Variants in MARK4 observed in about 807,000 individuals in gnomAD.
The protein encoded by MARK4 is microtubule affinity regulating kinase 4.
Under a neutral mutation model 81.5 loss-of-function variants are expected in MARK4, and 19 were observed. The ratio of observed to expected loss-of-function variants is 0.23; its 90% CI spans 0.16 to 0.34. The LOEUF (loss-of-function observed/expected upper bound fraction) is 0.34, where lower values mean the gene tolerates loss of function less well. MARK4 is among the 10% of genes least tolerant of loss of function. The pLI is 1.00. For missense variants in MARK4, 772 were observed against 1,058.8 expected (o/e 0.73, Z 3.76); for synonymous variants, 436 against 439.0 (o/e 0.99, Z 0.08).
At chr19:45,292,195 TG>T (rs756551808) in intron 13 of MARK4, among the ~76,000 whole-genome samples, 14 of 151,968 alleles carry the variant, frequency 9.2e-5, no homozygotes, top group Non-Finnish European at 1.9e-4. Context: ...CCCAGCTACT[TG>T]GGAGGCTGAG....
intron 2 of MARK4, among the ~76,000 whole-genome samples, chr19:45,261,548 C>A (rs1396836539): frequency 6.6e-6 from 1 of 152,226 alleles, no homozygotes; most frequent in East Asian, 1.9e-4. Context: ...CTCTCTCTTC[C>A]ATGAAGAACA....
chr19:45,287,931 T>C (rs1970768235), intron 13 of MARK4: 1 of 508,312 alleles, frequency 2.0e-6, no homozygotes, highest in Middle Eastern at 2.9e-4. Context: ...ATACAGGAAA[T>C]TAAGTGCTTT....
At chr19:45,260,916 A>G (rs1970372834) in intron 2 of MARK4, among the ~76,000 whole-genome samples, 2 of 152,106 alleles carry the variant, frequency 1.3e-5, no homozygotes, top group Admixed American at 6.6e-5. Flanking sequence ...GTATGGTGAC[A>G]TTATTGCAAA....
intron 13 of MARK4, among the ~76,000 whole-genome samples, chr19:45,288,911 C>T (rs936460287): frequency 1.3e-5 from 2 of 150,824 alleles, no homozygotes; most frequent in African/African-American, 4.9e-5. Context: ...TCAGCTCTTC[C>T]GGCATCTACA....
Position 45,251,599 on chromosome 19 carries a change from G to A in MARK4, c.11G>A (p.Arg4Gln). 1.5e-6 allele frequency: 2 copies of A among 1,375,458 alleles called. No individual in the cohort carries two copies. The highest frequency in any genetic ancestry group is 1.9e-6 in the Non-Finnish European group (2 of 1,063,064). The allele number at this position is 1,375,458 out of a possible 1,614,324, so 85.2% of individuals were successfully genotyped here. A position where few individuals can be genotyped will look rare whatever the true frequency, so the allele number is the denominator to read the frequency against. The part of the protein sequence containing the change: MSS[R>Q]TVLAPGNDRN... ...CGGGACCCGGAGAAGATGTCTTCGC[G>A]GACGGTGCTGGCCCCGGGCAACGAT... Residue 4 changes from arginine (R) to glutamine (Q), a missense_variant, in exon 1 of 17, where the codon CGG becomes CAG. Arg to Gln is a conservative substitution (Grantham distance 43). Around this residue, in one of 3 missense-constraint regions of MARK4, gnomAD observed 115 missense variants for 139.8 expected, o/e 0.82. Coordinates refer to ENST00000262891, the MANE Select transcript of MARK4 (RefSeq NM_001199867.2).
intron 2 of MARK4, among the ~76,000 whole-genome samples, chr19:45,261,486 T>C (rs904294484): frequency 3.3e-5 from 5 of 152,200 alleles, no homozygotes; most frequent in African/African-American, 1.2e-4. Context: ...TAAAAAGTGT[T>C]TGATAAAATT....
intron 12 of MARK4, among the ~76,000 whole-genome samples, chr19:45,280,939 G>A (rs75816342): frequency 0.043 from 6,475 of 152,150 alleles, 198 homozygotes; most frequent in Middle Eastern, 0.099. Context: ...GATTAAAACC[G>A]GAAAAGCAGC....
rs369309478 is a variant in MARK4, at chr19:45,304,267, A to C, written c.*1557A>C. The C allele has an allele frequency of 2.0e-5, 3 of 152,192 alleles. No homozygotes were observed. The highest frequency in any genetic ancestry group is 1.9e-4 in the East Asian group (1 of 5,188). The allele number at this position is 152,192 out of a possible 1,614,324, so 9.4% of individuals were successfully genotyped here. A position where few individuals can be genotyped will look rare whatever the true frequency, so the allele number is the denominator to read the frequency against. On this transcript the variant is annotated 3_prime_UTR_variant, in exon 17 of 17. Transcript: ENST00000262891. ...CTGCAGCAGAAAGACCCTCATTGTC[A>C]GTTTCCCAGCAAAAGTCCCAGGGCA...
At chr19:45,261,510 T>C (rs1000758133) in intron 2 of MARK4, among the ~76,000 whole-genome samples, 4 of 152,232 alleles carry the variant, frequency 2.6e-5, no homozygotes, top group African/African-American at 7.2e-5. Context: ...AAAAACACAT[T>C]CGTGAGAATA....
At chr19:45,273,990 C>A (rs989214396) in intron 8 of MARK4, among the ~76,000 whole-genome samples, 2 of 152,224 alleles carry the variant, frequency 1.3e-5, no homozygotes, top group Non-Finnish European at 2.9e-5. Context: ...TGGCTCACGC[C>A]TGTAATCCCA....
In MARK4 at chr19:45,299,595, A is replaced by C. The variant is rs540483343; in HGVS notation, c.1878-216A>C. ...CACTCCCCTCCCTTTCATCTTCCAC[A>C]TTCTTCAGTATCTTTCCTGTGACCT... On this transcript the variant is annotated intron_variant, in intron 15 of 16. Transcript: ENST00000262891. 3.2e-3 allele frequency among the ~76,000 whole-genome samples: 486 copies of C among 152,060 alleles called. 2 individuals carry two copies. The highest frequency in any genetic ancestry group is 5.6e-3 in the Non-Finnish European group (380 of 67,968).
At chr19:45,275,078 T>C (rs1970581104) in intron 8 of MARK4, among the ~76,000 whole-genome samples, 1 of 152,112 alleles carries the variant, frequency 6.6e-6, no homozygotes, top group Non-Finnish European at 1.5e-5. Flanking sequence ...CTGGCCAACA[T>C]GGTGAAACCC....
intron 12 of MARK4, among the ~76,000 whole-genome samples, chr19:45,286,004 A>T (rs2096225602): frequency 6.6e-6 from 1 of 152,206 alleles, no homozygotes; most frequent in South Asian, 2.1e-4. Flanking sequence ...CATCCAACAC[A>T]TATCCCCAGC....
chr19:45,260,958 T>C (rs1020481586), intron 2 of MARK4, among the ~76,000 whole-genome samples: 1 of 152,134 alleles, frequency 6.6e-6, no homozygotes, highest in African/African-American at 2.4e-5. Context: ...AGCCTAGATA[T>C]GAGGTCTCTA....
chr19:45,296,415 G>A lies in MARK4; in HGVS notation c.1599-1261G>A, dbSNP rs373076589. ...AGTTTCCAGCTCTGGGACTGAGGCC[G>A]CTGCACCAGCAGCCATCATTTCCCA... On this transcript the variant is annotated intron_variant, in intron 14 of 16. Transcript: ENST00000262891. 5.9e-5 allele frequency among the ~76,000 whole-genome samples: 9 copies of A among 152,316 alleles called. No individual in the cohort carries two copies. In the South Asian group the frequency reaches 8.3e-4, roughly 14 times the overall value.
intron 1 of MARK4, among the ~76,000 whole-genome samples, chr19:45,255,491 G>T (rs963852473): frequency 4.0e-5 from 6 of 150,924 alleles, no homozygotes; most frequent in African/African-American, 1.5e-4. Flanking sequence ...AACCCAGGAG[G>T]TGGAGGTTGC....
intron 14 of MARK4, among the ~76,000 whole-genome samples, chr19:45,297,085 G>A (rs1970897141): frequency 2.6e-5 from 4 of 151,700 alleles, no homozygotes; most frequent in Admixed American, 2.0e-4. Flanking sequence ...AGGCATGGTG[G>A]CACACGCTTG....
At chr19:45,298,134 A>T in intron 15 of MARK4, 180 bp downstream of exon 15, 1 of 1,604,866 alleles carries the variant, frequency 6.2e-7, no homozygotes, top group Non-Finnish European at 8.5e-7. Flanking sequence ...CTCCCTCCTC[A>T]CACTGCAGGG....
intron 1 of MARK4, among the ~76,000 whole-genome samples, chr19:45,256,803 G>C (rs1970313044): frequency 6.6e-6 from 1 of 152,168 alleles, no homozygotes; most frequent in Non-Finnish European, 1.5e-5. Context: ...GGTTTCTGAC[G>C]ACCCTGTGTT....
Sources: gnomAD v4.1 joint callset for allele counts (sites outside exome capture counted in the v4.1 genomes callset) on GRCh38, gnomAD v4.1.1 for gene constraint, gnomAD v4.1.1 regional missense constraint, MANE v1.5 for transcripts, NCBI Gene and HGNC (gene_info 2026-07-23, HGNC 2026-07-21) for gene names.